GALNTL6: variants seen among roughly 807,000 people sequenced by gnomAD.
The protein encoded by GALNTL6 is polypeptide N-acetylgalactosaminyltransferase like 6.
Under a neutral mutation model 73.7 loss-of-function variants are expected in GALNTL6, and 46 were observed. The observed-to-expected ratio is 0.62, with a 90% CI of 0.49 to 0.80. The LOEUF (loss-of-function observed/expected upper bound fraction) is 0.80. GALNTL6 is among the 30% of genes least tolerant of loss of function. The probability of loss-of-function intolerance (pLI) is 0.00; values close to 1 mark genes in which losing one functional copy is unlikely to be tolerated. For missense variants in GALNTL6, 604 were observed against 755.0 expected, an observed-to-expected ratio of 0.80 and a Z score of 2.34; for synonymous variants, 259 against 263.7, an observed-to-expected ratio of 0.98 and a Z score of 0.17.
intron 4 of GALNTL6, among the ~76,000 whole-genome samples, chr4:172,332,619 T>C (rs540550698): frequency 6.6e-6 from 1 of 152,282 alleles, no homozygotes; most frequent in African/African-American, 2.4e-5. Context: ...TCTGTGTTGG[T>C]GCAAATGACA....
intron 2 of GALNTL6, among the ~76,000 whole-genome samples, chr4:171,980,085 T>C (rs2111078290): frequency 6.6e-6 from 1 of 152,326 alleles, no homozygotes. Context: ...AACAAACCTA[T>C]GTTTATTTCC....
At chr4:172,616,698 A>G (rs1738749168) in intron 5 of GALNTL6, among the ~76,000 whole-genome samples, 1 of 152,070 alleles carries the variant, frequency 6.6e-6, no homozygotes, top group South Asian at 2.1e-4. Flanking sequence ...AAATTATGAC[A>G]TCCATGTGCT....
intron 5 of GALNTL6, among the ~76,000 whole-genome samples, chr4:172,545,447 G>T (rs1418532239): frequency 6.6e-6 from 1 of 152,134 alleles, no homozygotes; most frequent in Non-Finnish European, 1.5e-5. Flanking sequence ...CTTCCACACG[G>T]TTACCAAATT....
intron 10 of GALNTL6, among the ~76,000 whole-genome samples, chr4:172,974,293 GA>G (rs1476705188): frequency 2.0e-5 from 3 of 152,046 alleles, no homozygotes; most frequent in Non-Finnish European, 4.4e-5. Context: ...TAGACGAGCA[GA>G]TGGCACCTTT....
chr4:172,210,111 T>C (rs570382638), intron 2 of GALNTL6, among the ~76,000 whole-genome samples: 40 of 152,200 alleles, frequency 2.6e-4, no homozygotes, highest in African/African-American at 9.6e-4. Context: ...TACAAAAAAG[T>C]GTAACTATTG....
intron 2 of GALNTL6, among the ~76,000 whole-genome samples, chr4:171,923,710 G>A (rs116182260): frequency 6.6e-6 from 1 of 150,766 alleles, no homozygotes; most frequent in Admixed American, 6.6e-5. Flanking sequence ...TTTTTAAAAA[G>A]GCTTACTGGA....
At chr4:172,320,172 G>T (rs967819251) in intron 4 of GALNTL6, among the ~76,000 whole-genome samples, 1 of 152,066 alleles carries the variant, frequency 6.6e-6, no homozygotes, top group Admixed American at 6.6e-5. Flanking sequence ...GAGGCTCTAC[G>T]TGGGGTATAG....
intron 5 of GALNTL6, among the ~76,000 whole-genome samples, chr4:172,390,057 C>T (rs1485412666): frequency 1.3e-5 from 2 of 152,050 alleles, no homozygotes; most frequent in African/African-American, 4.8e-5. Context: ...TGCAAAAAAA[C>T]TCAATGGAAC....
At chr4:171,940,356 T>C (rs1412977854) in intron 2 of GALNTL6, among the ~76,000 whole-genome samples, 2 of 151,782 alleles carry the variant, frequency 1.3e-5, no homozygotes, top group African/African-American at 4.9e-5. Context: ...CAAATAAGAA[T>C]GTCTGACTCA....
At chr4:172,013,403 A>G (rs1240742766) in intron 2 of GALNTL6, among the ~76,000 whole-genome samples, 8 of 152,074 alleles carry the variant, frequency 5.3e-5, no homozygotes, top group Non-Finnish European at 8.8e-5. Flanking sequence ...GGGTAAAAAT[A>G]TACAGTATTT....
intron 2 of GALNTL6, among the ~76,000 whole-genome samples, chr4:171,914,492 G>A (rs1178104909): frequency 1.4e-5 from 2 of 141,064 alleles, no homozygotes; most frequent in African/African-American, 2.7e-5. Context: ...GTGCAGTGGT[G>A]TGATCTCGGC....
intron 7 of GALNTL6, among the ~76,000 whole-genome samples, chr4:172,872,042 C>T (rs993825475): frequency 6.6e-6 from 1 of 152,182 alleles, no homozygotes; most frequent in African/African-American, 2.4e-5. Flanking sequence ...ATTCACCCTC[C>T]TCGGCCTCTC....
At chr4:172,382,805 T>C in intron 5 of GALNTL6, among the ~76,000 whole-genome samples, 1 of 151,914 alleles carries the variant, frequency 6.6e-6, no homozygotes, top group Non-Finnish European at 1.5e-5. Flanking sequence ...AATAAATTCT[T>C]TGCCTGAAGA....
At chr4:172,629,652 C>T (rs1739310645) in intron 5 of GALNTL6, among the ~76,000 whole-genome samples, 1 of 152,172 alleles carries the variant, frequency 6.6e-6, no homozygotes, top group Admixed American at 6.6e-5. Flanking sequence ...GCTGCTTATA[C>T]ACCAACCATC....
At chr4:171,856,397 G>C (rs1172133128) in intron 2 of GALNTL6, among the ~76,000 whole-genome samples, 1 of 151,792 alleles carries the variant, frequency 6.6e-6, no homozygotes, top group African/African-American at 2.4e-5. Flanking sequence ...TTACACATGT[G>C]AGCCACCCCA....
At chr4:172,880,972 A>G (rs920675593) in intron 7 of GALNTL6, among the ~76,000 whole-genome samples, 3 of 152,188 alleles carry the variant, frequency 2.0e-5, no homozygotes, top group Non-Finnish European at 4.4e-5. Context: ...CTAACACTGT[A>G]TCTATGGTGG....
At chr4:172,592,598 A>G (rs556893575) in intron 5 of GALNTL6, among the ~76,000 whole-genome samples, 1 of 152,292 alleles carries the variant, frequency 6.6e-6, no homozygotes, top group Admixed American at 6.5e-5. Flanking sequence ...TATTTTTAGC[A>G]CTAAAGTTTG....
chr4:172,757,256 G>T (rs888748433), intron 5 of GALNTL6, among the ~76,000 whole-genome samples: 1 of 152,132 alleles, frequency 6.6e-6, no homozygotes, highest in East Asian at 1.9e-4. Context: ...TTGAGGTTTT[G>T]CAAGCATTTT....
chr4:172,449,581 C>T (rs1250106216), intron 5 of GALNTL6, among the ~76,000 whole-genome samples: 1 of 152,210 alleles, frequency 6.6e-6, no homozygotes, highest in Non-Finnish European at 1.5e-5. Flanking sequence ...ATATTTTCTT[C>T]TCCAGGTTCC....
Sources: allele counts gnomAD v4.1 joint callset (sites outside exome capture counted in the v4.1 genomes callset), GRCh38; gene constraint gnomAD v4.1.1; transcripts MANE v1.5; gene names NCBI Gene and HGNC (gene_info 2026-07-23, HGNC 2026-07-21).